HDGF: variants seen among roughly 807,000 people sequenced by gnomAD.
The protein encoded by HDGF is heparin binding growth factor.
Under a neutral mutation model 30.0 loss-of-function variants are expected in HDGF, and 5 were observed. The observed-to-expected ratio is 0.17, with a 90% confidence interval of 0.09 to 0.35. The LOEUF (loss-of-function observed/expected upper bound fraction) is 0.35, where lower values mean the gene tolerates loss of function less well. HDGF is among the 10% of genes least tolerant of loss of function. The pLI is 1.00. For synonymous variants in HDGF, 133 were observed against 112.7 expected, an observed-to-expected ratio of 1.18 and a Z score of -1.14; for missense variants, 214 against 302.8, an observed-to-expected ratio of 0.71 and a Z score of 2.18.
chr1:156,744,674 T>A, intron 3 of HDGF: 1 of 551,566 alleles, frequency 1.8e-6, no homozygotes, highest in Non-Finnish European at 2.7e-6. Context: ...CCTGCCCGGC[T>A]CACAAGCACC....
At chr1:156,746,755 G>T (rs1389809443) in intron 1 of HDGF, among the ~76,000 whole-genome samples, 1 of 152,226 alleles carries the variant, frequency 6.6e-6, no homozygotes, top group African/African-American at 2.4e-5. Flanking sequence ...AGCAGCACTT[G>T]CAGCAGCCCC....
intron 1 of HDGF, among the ~76,000 whole-genome samples, chr1:156,762,045 G>A (rs1306424034): frequency 6.6e-6 from 1 of 151,972 alleles, no homozygotes; most frequent in Non-Finnish European, 1.5e-5. Context: ...CTGAGGCTGA[G>A]GTGGGAGGAT....
intron 2 of HDGF, 27 bp downstream of exon 2, chr1:156,745,270 A>G: frequency 6.2e-7 from 1 of 1,612,064 alleles, no homozygotes. Flanking sequence ...GGCCCTCCCG[A>G]CCTATACCCC....
chr1:156,752,100 C>G, upstream of HDGF: 3 of 1,551,564 alleles, frequency 1.9e-6, no homozygotes, highest in Non-Finnish European at 2.6e-6. Flanking sequence ...GCCCTCTGCT[C>G]CATCTCAATC....
intron 1 of HDGF, chr1:156,747,311 C>T: frequency 7.3e-6 from 1 of 136,752 alleles, no homozygotes; most frequent in Non-Finnish European, 1.6e-5. Context: ...CACTAACACA[C>T]CCCACCCCCA....
rs750355824 is a variant in HDGF, at chr1:156,743,856, T to G, written c.512A>C (p.Glu171Ala). 23 of 1,613,538 alleles carry G rather than the reference T, an allele frequency of 1.4e-5. No individual in the cohort carries two copies. In the East Asian group the frequency reaches 5.1e-4, roughly 36 times the overall value. Residue 171 changes from glutamate (E) to alanine (A), a missense_variant, in exon 5 of 6, where the codon GAG becomes GCG. This residue lies in a region of HDGF where 176 missense variants were observed against 211.7 expected (regional missense o/e 0.83). Coordinates refer to ENST00000357325, the MANE Select transcript of HDGF (RefSeq NM_004494.3). The part of the protein sequence containing the change: ...LLEDSPKRPK[E>A]AENPEGEEKE... ...CTCCTCTCCTTCAGGGTTTTCTGCCTCCTTGGGACGTTTAGGAGAGTCCTA... is the reference window on the plus strand; with the variant it reads ...CTCCTCTCCTTCAGGGTTTTCTGCCGCCTTGGGACGTTTAGGAGAGTCCTA...
Position 156,743,078 on chromosome 1 carries a change from C to T in HDGF, c.*371G>A, listed in dbSNP as rs577504203. On this transcript the variant is annotated 3_prime_UTR_variant, in exon 6 of 6. Coordinates refer to ENST00000357325, the MANE Select transcript of HDGF (RefSeq NM_004494.3). ...TTCCATTCCTACCCCTGATCCCAAC[C>T]CAGAGGTCCAGAATGCCTAGGAGAG... 128 of 204,066 alleles carry T rather than the reference C, an allele frequency of 6.3e-4. 1 individual carries two copies. The highest frequency in any genetic ancestry group is 1.1e-3 in the Non-Finnish European group (113 of 101,760). The allele number at this position is 204,066 out of a possible 1,614,324, so 12.6% of individuals were successfully genotyped here.
chr1:156,748,379 G>A (rs1650737473), intron 1 of HDGF, among the ~76,000 whole-genome samples: 1 of 152,184 alleles, frequency 6.6e-6, no homozygotes, highest in Admixed American at 6.5e-5. Context: ...TGTCTTCCAG[G>A]TGGTGCCTTT....
At chr1:156,752,129 A>C (rs1481097205), upstream of HDGF, 7 of 1,551,492 alleles carry the variant, frequency 4.5e-6, no homozygotes, top group Non-Finnish European at 5.2e-6. Flanking sequence ...TTTACTGGGC[A>C]CCCGCGGTTC....
rs74727949 is a variant in HDGF at position 156,749,165 on chromosome 1, C to T, written c.87+2178G>A. Among the ~76,000 whole-genome samples, 134 of 152,308 alleles carry T rather than the reference C, an allele frequency of 8.8e-4. 3 individuals are homozygous for T. The East Asian group carries it at 0.02, about 23-fold the overall frequency. On this transcript the variant is annotated intron_variant, in intron 1 of 5. Transcript: ENST00000357325. ...TGGGCTCTCTCTCAAGCACTGGGAC[C>T]TTCTAGTTTCACCCAGAATCACCCA...
upstream of HDGF, chr1:156,752,378 C>T: frequency 2.6e-6 from 4 of 1,551,062 alleles, no homozygotes; most frequent in Non-Finnish European, 3.5e-6. Flanking sequence ...TCTCGTTTCT[C>T]TAAGCTACTG....
upstream of HDGF, among the ~76,000 whole-genome samples, chr1:156,767,237 C>G (rs1039906557): frequency 6.6e-6 from 1 of 152,168 alleles, no homozygotes; most frequent in African/African-American, 2.4e-5. Context: ...TAGGGAACTT[C>G]AAGTACCGAA....
At position 156,751,243 on chromosome 1, in the gene HDGF, C is replaced by T; in HGVS notation, c.87+100G>A. Reference sequence around the variant, plus strand: ...AGCCGGAGACCTACAAGCCCCCTGCCCCCACCTCTGCCCGCTCCGCGCGGA... The same window carrying T: ...AGCCGGAGACCTACAAGCCCCCTGCTCCCACCTCTGCCCGCTCCGCGCGGA... On this transcript the variant is annotated intron_variant, in intron 1 of 5. Coordinates refer to ENST00000357325, the MANE Select transcript of HDGF (RefSeq NM_004494.3). The surrounding 1 kb of genome is among the most constrained non-coding windows in gnomAD (Gnocchi z 4.7). 2.1e-6 allele frequency: 3 copies of T among 1,400,910 alleles called. No homozygotes were observed. The highest frequency in any genetic ancestry group is 2.8e-6 in the Non-Finnish European group (3 of 1,059,188). The allele number at this position is 1,400,910 out of a possible 1,614,324, so 86.8% of individuals were successfully genotyped here.
chr1:156,758,606 A>AATAAATAAAG, intron 2 of HDGF, among the ~76,000 whole-genome samples: 1 of 136,932 alleles, frequency 7.3e-6, no homozygotes, highest in Admixed American at 7.6e-5. Context: ...AAAAAAAATA[A>AATAAATAAAG]ATAAATAAAT....
chr1:156,766,072 T>C (rs558358616), intron 1 of HDGF, among the ~76,000 whole-genome samples: 57 of 152,276 alleles, frequency 3.7e-4, no homozygotes, highest in African/African-American at 1.3e-3. Context: ...TTCAGAAGCT[T>C]TCCTAGTGAT....
At chr1:156,755,660 A>G (rs1651143567), upstream of HDGF, 1 of 152,096 alleles carries the variant, frequency 6.6e-6, no homozygotes, top group Non-Finnish European at 1.5e-5. Flanking sequence ...CCCAAGTTAC[A>G]CCCTCTGTAA....
chr1:156,743,914 G>T, intron 4 of HDGF, 36 bp from the exon 5 acceptor site: 3 of 1,508,486 alleles, frequency 2.0e-6, no homozygotes, highest in Non-Finnish European at 2.8e-6. Flanking sequence ...GGCTGAGGCT[G>T]GAGAGGGAGG....
intron 1 of HDGF, among the ~76,000 whole-genome samples, chr1:156,759,840 C>T (rs919819610): frequency 3.9e-5 from 6 of 152,196 alleles, no homozygotes; most frequent in Admixed American, 1.3e-4. Context: ...TGTTAGTTTA[C>T]TTGCATCCCA....
chr1:156,747,571 G>A (rs905197689), intron 1 of HDGF: 1 of 151,996 alleles, frequency 6.6e-6, no homozygotes. Flanking sequence ...CCAGGAGACA[G>A]GCATAGGACA....
Sources: allele counts gnomAD v4.1 joint callset (sites outside exome capture counted in the v4.1 genomes callset), GRCh38; gene constraint gnomAD v4.1.1; regional missense constraint gnomAD v4.1.1; non-coding constraint Gnocchi (gnomAD v3.1); transcripts MANE v1.5; gene names NCBI Gene and HGNC (gene_info 2026-07-23, HGNC 2026-07-21).